The following CADM2 variants were observed in gnomAD, a reference collection of about 807,000 sequenced individuals.
CADM2 encodes the protein immunoglobulin superfamily member 4D.
A neutral mutation model predicts 49.8 loss-of-function variants in CADM2; 12 were observed. The ratio of observed to expected loss-of-function variants is 0.24; its 90% CI spans 0.15 to 0.39. The LOEUF is 0.39. Among genes scored for constraint, CADM2 ranks in the 10% least tolerant of loss-of-function variants. The pLI, the probability that CADM2 is intolerant of heterozygous loss-of-function variation, is 1.00. For missense variants in CADM2, 378 were observed against 492.3 expected, an observed-to-expected ratio of 0.77 and a Z score of 2.20; for synonymous variants, 214 against 175.4, an observed-to-expected ratio of 1.22 and a Z score of -1.74.
intron 1 of CADM2, among the ~76,000 whole-genome samples, chr3:84,994,584 G>A (rs2033074023): frequency 6.6e-6 from 1 of 152,016 alleles, no homozygotes; most frequent in Admixed American, 6.6e-5. Context: ...TTTTGGCTTA[G>A]TTGAGTCATA....
intron 1 of CADM2, among the ~76,000 whole-genome samples, chr3:85,582,884 T>C (rs1216209155): frequency 1.3e-5 from 2 of 152,134 alleles, no homozygotes; most frequent in Non-Finnish European, 2.9e-5. Flanking sequence ...TCCTTGTTGG[T>C]GACGGTTGGC....
At chr3:85,027,060 A>G (rs1397576894) in intron 1 of CADM2, among the ~76,000 whole-genome samples, 4 of 115,618 alleles carry the variant, frequency 3.5e-5, no homozygotes, top group South Asian at 2.7e-4. Flanking sequence ...TGATGCTTTT[A>G]TGACACTATT....
intron 1 of CADM2, among the ~76,000 whole-genome samples, chr3:85,512,568 T>C (rs892442683): frequency 6.6e-6 from 1 of 152,068 alleles, no homozygotes; most frequent in Non-Finnish European, 1.5e-5. Flanking sequence ...TATTAAAGGA[T>C]TTATTCTTAA....
chr3:84,984,183 T>G, intron 1 of CADM2, among the ~76,000 whole-genome samples: 1 of 151,848 alleles, frequency 6.6e-6, no homozygotes, highest in Non-Finnish European at 1.5e-5. Context: ...ATCTCCTTAT[T>G]TTGAACTGCC....
intron 1 of CADM2, among the ~76,000 whole-genome samples, chr3:85,635,445 T>TA: frequency 6.6e-6 from 1 of 152,192 alleles, no homozygotes; most frequent in Non-Finnish European, 1.5e-5. Context: ...CAGTGATTTT[T>TA]AAAGTCTTAT....
At chr3:85,657,607 T>C (rs1164875614) in intron 1 of CADM2, among the ~76,000 whole-genome samples, 3 of 150,904 alleles carry the variant, frequency 2.0e-5, no homozygotes, top group Admixed American at 6.6e-5. Context: ...TTATTACAAA[T>C]AAATATTTAT....
rs369900576 is a variant in CADM2, at chr3:85,770,675, T to G, written c.89-31372T>G. 5.3e-5 allele frequency among the ~76,000 whole-genome samples: 8 copies of G among 152,230 alleles called. No individual in the cohort carries two copies. The East Asian group carries it at 1.2e-3, about 22-fold the overall frequency. On this transcript the variant is annotated intron_variant, in intron 2 of 9. Transcript: ENST00000383699. ...TTGATTCTAGAAATATGTGAGAATT[T>G]TGTCTAGATGAAAGCAGCAAGTGTA... is the stretch of plus-strand genomic sequence containing the variant.
chr3:85,793,487 G>A lies in CADM2; in HGVS notation c.89-8560G>A, dbSNP rs117766908. On this transcript the variant is annotated intron_variant, in intron 2 of 9. Transcript: ENST00000383699. ...GCACCAAAAAGAGATATCAAGGATG[G>A]GTTTCAGAGGTGTGCTGTAAATGTT... is the stretch of plus-strand genomic sequence containing the variant. 8.6e-3 allele frequency among the ~76,000 whole-genome samples: 1,303 copies of A among 152,268 alleles called. 48 individuals carry two copies. The South Asian group carries it at 0.1, about 12-fold the overall frequency.
intron 1 of CADM2, among the ~76,000 whole-genome samples, chr3:85,489,267 T>C (rs759862178): frequency 6.6e-6 from 1 of 152,168 alleles, no homozygotes; most frequent in Non-Finnish European, 1.5e-5. Flanking sequence ...AATGACTAAG[T>C]AAAATTTAAC....
chr3:86,027,698 G>C (rs1021389150), intron 8 of CADM2, among the ~76,000 whole-genome samples: 31 of 152,024 alleles, frequency 2.0e-4, no homozygotes, highest in African/African-American at 6.5e-4. Context: ...ATGTAGAATA[G>C]AAATATAAAC....
At chr3:85,790,887 G>T (rs1292228549) in intron 2 of CADM2, among the ~76,000 whole-genome samples, 1 of 152,158 alleles carries the variant, frequency 6.6e-6, no homozygotes, top group Non-Finnish European at 1.5e-5. Context: ...GCACCAGACT[G>T]ATGGCCATGC....
chr3:85,849,029 C>CTG (rs1370112390), intron 3 of CADM2, among the ~76,000 whole-genome samples: 14 of 152,174 alleles, frequency 9.2e-5, no homozygotes, highest in Non-Finnish European at 1.6e-4. Context: ...AAACTATTCA[C>CTG]ATGGCCCAAA....
At chr3:85,616,762 T>C (rs1434706887) in intron 1 of CADM2, among the ~76,000 whole-genome samples, 1 of 152,202 alleles carries the variant, frequency 6.6e-6, no homozygotes, top group Non-Finnish European at 1.5e-5. Context: ...ATTTTTGTAA[T>C]GTATAATTGA....
chr3:84,961,433 G>A (rs1050119531), intron 1 of CADM2, among the ~76,000 whole-genome samples: 1 of 152,128 alleles, frequency 6.6e-6, no homozygotes, highest in African/African-American at 2.4e-5. Flanking sequence ...TCTCCGTGAA[G>A]GCAGACAGCA....
At position 85,601,132 on chromosome 3, in the gene CADM2, A is replaced by ATG. The variant is rs1559935772; in HGVS notation, c.62-125389_62-125388insGT. On this transcript the variant is annotated intron_variant, in intron 1 of 9. Coordinates refer to ENST00000383699, the MANE Select transcript of CADM2 (RefSeq NM_001167675.2). ...ATACTGTGCATTTATATATGTGTGT[A>ATG]TATATATATATATATATATATATAT... Among the ~76,000 whole-genome samples, 140 of 62,748 alleles carry ATG rather than the reference A, an allele frequency of 2.2e-3. 1 individual carries two copies. Among genetic ancestry groups the ATG allele is most frequent in the African/African-American group, 7.3e-3 (133 of 18,152 alleles). The allele number at this position is 62,748 out of a possible 152,430, so 41.2% of individuals were successfully genotyped here.
At chr3:85,385,264 A>G (rs1313312888) in intron 1 of CADM2, among the ~76,000 whole-genome samples, 1 of 152,110 alleles carries the variant, frequency 6.6e-6, no homozygotes, top group Non-Finnish European at 1.5e-5. Context: ...ATTCATTTAC[A>G]TTTGCAACCC....
rs530292756 is a variant in CADM2 at position 85,712,314 on chromosome 3, C to T, written c.62-14208C>T. On this transcript the variant is annotated intron_variant, in intron 1 of 9. Coordinates refer to ENST00000383699, the MANE Select transcript of CADM2 (RefSeq NM_001167675.2). Reference sequence around the variant, plus strand: ...ATATTTGTAATCTAATTTGCTTCCACATGTGAAATACAGAGTGGTTTGTTT... The same window carrying T: ...ATATTTGTAATCTAATTTGCTTCCATATGTGAAATACAGAGTGGTTTGTTT... Among the ~76,000 whole-genome samples, 27 of 152,292 alleles carry T rather than the reference C, an allele frequency of 1.8e-4. No homozygotes were observed. The South Asian group carries it at 5.6e-3, about 32-fold the overall frequency.
rs555050357 is a variant in CADM2 at position 85,342,843 on chromosome 3, T to G, written c.61+383175T>G. Among the ~76,000 whole-genome samples the G allele has an allele frequency of 7.7e-4, 118 of 152,282 alleles. 1 individual carries two copies. Among genetic ancestry groups the G allele is most frequent in the African/African-American group, 2.8e-3 (116 of 41,560 alleles). On this transcript the variant is annotated intron_variant, in intron 1 of 9. Coordinates refer to ENST00000383699, the MANE Select transcript of CADM2 (RefSeq NM_001167675.2). ...ACCCAAGCAAGAAGAGAGTCATAGC[T>G]GTAAACGTAAAGCACCGCTTTCCTA...
At chr3:85,262,131 T>C (rs2043025185) in intron 1 of CADM2, among the ~76,000 whole-genome samples, 1 of 152,106 alleles carries the variant, frequency 6.6e-6, no homozygotes, top group African/African-American at 2.4e-5. Context: ...AAGGATGCAT[T>C]TGCTTTTAGA....
Sources: gnomAD v4.1 joint callset for allele counts (sites outside exome capture counted in the v4.1 genomes callset) on GRCh38, gnomAD v4.1.1 for gene constraint, MANE v1.5 for transcripts, NCBI Gene and HGNC (gene_info 2026-07-23, HGNC 2026-07-21) for gene names.